The following PLPBP variants were observed in gnomAD, a reference collection of about 807,000 sequenced individuals.
PLPBP encodes pyridoxal phosphate homeostasis protein.
PLPBP carries 21 observed loss-of-function variants against 31.2 expected under a neutral mutation model. That is an observed-to-expected ratio of 0.67 (90% confidence interval 0.48 to 0.97). The LOEUF is 0.97. Among genes scored for constraint, PLPBP ranks in the 50% least tolerant of loss-of-function variants. The pLI is 0.00. For synonymous variants in PLPBP, 124 were observed against 135.6 expected (o/e 0.91, Z 0.59); for missense variants, 308 against 354.4 (o/e 0.87, Z 1.05).
rs762855564 is a variant in PLPBP at position 37,772,757 on chromosome 8, G to A, written c.322G>A (p.Val108Ile). ...ACTTTGCCTCTGTCTCATTACAGCT[G>A]TCCCCAATCTCTTCATGCTGGAAAC... ...QKQNVNKLMA[V>I]PNLFMLETVD... Residue 108 changes from valine to isoleucine, a missense_variant and splice_region_variant, in exon 5 of 8, where the codon GTC becomes ATC. Around this residue, in one of 2 missense-constraint regions of PLPBP, gnomAD observed 188 missense variants for 259.3 expected, o/e 0.73. Transcript: ENST00000328195. The A allele has an allele frequency of 4.0e-5, 65 of 1,614,058 alleles. No homozygotes were observed. The highest frequency in any genetic ancestry group is 5.5e-5 in the Non-Finnish European group (65 of 1,180,018).
At position 37,775,374 on chromosome 8, in the gene PLPBP, A is replaced by G. The variant is rs143064520; in HGVS notation, c.490A>G (p.Ile164Val). The stretch of plus-strand genomic sequence containing the variant: ...CCTTCCACCTTCAGAGACCATAGCC[A>G]TCGTGGAGCACATAAACGCCAAGTG... ...HGLPPSETIAIVEHINAKCPN... is the reference protein window; with the variant it reads ...HGLPPSETIAVVEHINAKCPN... Residue 164 changes from isoleucine to valine, a missense_variant, in exon 6 of 8, where the codon ATC becomes GTC. Transcript: ENST00000328195. 154 of 1,614,072 alleles carry G rather than the reference A, an allele frequency of 9.5e-5. No individual in the cohort carries two copies. Among genetic ancestry groups the G allele is most frequent in the Non-Finnish European group, 1.3e-4 (151 of 1,180,036 alleles).
Position 37,778,027 on chromosome 8 carries a change from G to T in PLPBP, c.751G>T (p.Asp251Tyr). The T allele has an allele frequency of 1.2e-6, 2 of 1,613,844 alleles. No individual in the cohort carries two copies. Among genetic ancestry groups the T allele is most frequent in the South Asian group, 2.2e-5 (2 of 91,072 alleles). Residue 251 changes from aspartate (D) to tyrosine (Y), a missense_variant, in exon 8 of 8, where the codon GAT becomes TAT. By Grantham distance (160) the Asp-to-Tyr change is radical. This residue lies in a region of PLPBP where 188 missense variants were observed against 259.3 expected (regional missense o/e 0.73). Coordinates refer to ENST00000328195, the MANE Select transcript of PLPBP (RefSeq NM_007198.4). ...AGGAAGCACGATTTTTGGAGAGCGG[G>T]ATTACTCAAAGAAACCCACCCCGGA... ...RIGSTIFGER[D>Y]YSKKPTPDKC...
chr8:37,768,223 A>T (rs1030713381), intron 4 of PLPBP, among the ~76,000 whole-genome samples: 2 of 152,214 alleles, frequency 1.3e-5, no homozygotes, highest in East Asian at 3.8e-4. Context: ...TATGGGATTT[A>T]TAACTATGTA....
chr8:37,779,477 A>C lies in PLPBP; in HGVS notation c.*1373A>C, dbSNP rs926639050. 1.3e-5 allele frequency: 2 copies of C among 152,234 alleles called. No individual in the cohort carries two copies. Among genetic ancestry groups the C allele is most frequent in the African/African-American group, 2.4e-5 (1 of 41,454 alleles). The allele number at this position is 152,234 out of a possible 1,614,324, so 9.4% of individuals were successfully genotyped here. A position where few individuals can be genotyped will look rare whatever the true frequency, so the allele number is the denominator to read the frequency against. On this transcript the variant is annotated 3_prime_UTR_variant, in exon 8 of 8. Coordinates refer to ENST00000328195, the MANE Select transcript of PLPBP (RefSeq NM_007198.4). ...AAGTAGCAAGATCCTCAAAAAACCC[A>C]AAAACACCATTCTCTAATAGTCATG...
At position 37,777,968 on chromosome 8, in the gene PLPBP, C is replaced by A; in HGVS notation, c.697-5C>A. The A allele has an allele frequency of 6.2e-7, 1 of 1,607,764 alleles. No homozygotes were observed. Among genetic ancestry groups the A allele is most frequent in the South Asian group, 1.1e-5 (1 of 90,558 alleles). ...GTCCTCGATACCTTCTCTTTTTTCC[C>A]ACAGGTTGAAGTAGGATCTACAAAT... On this transcript the variant is annotated splice_polypyrimidine_tract_variant and splice_region_variant and intron_variant, in intron 7 of 7. Transcript: ENST00000328195.
In PLPBP at chr8:37,769,164, G is replaced by A. The variant is rs145335234; in HGVS notation, c.319+2809G>A. Among the ~76,000 whole-genome samples, 831 of 151,922 alleles carry A rather than the reference G, an allele frequency of 5.5e-3. 5 individuals are homozygous for A. Among genetic ancestry groups the A allele is most frequent in the African/African-American group, 0.019 (792 of 41,446 alleles). On this transcript the variant is annotated intron_variant, in intron 4 of 7. Transcript: ENST00000328195. ...AGCCTGGGTAACATGGCAAAACCCT[G>A]TCTCCACTAAAAATACAAAAAATTA...
chr8:37,776,535 T>C (rs1465019676), intron 7 of PLPBP, among the ~76,000 whole-genome samples: 3 of 146,550 alleles, frequency 2.0e-5, no homozygotes, highest in Non-Finnish European at 4.5e-5. Context: ...ATAGAAATTA[T>C]AGCCTGACAT....
chr8:37,773,259 C>G (rs1323252993), intron 5 of PLPBP, among the ~76,000 whole-genome samples: 1 of 151,786 alleles, frequency 6.6e-6, no homozygotes, highest in South Asian at 2.1e-4. Context: ...CCTCCGCCTC[C>G]CGGGTTGAAG....
At chr8:37,775,259 G>A (rs182122993) in intron 5 of PLPBP, 80 bp from the exon 6 acceptor site, 48 of 1,540,482 alleles carry the variant, frequency 3.1e-5, no homozygotes, top group Middle Eastern at 1.8e-4. Context: ...CTCTTCTGTC[G>A]TAAGGAAGGG....
rs1276065118 is a variant in PLPBP at position 37,779,211 on chromosome 8, G to A, written c.*1107G>A. 2 of 152,160 alleles carry A rather than the reference G, an allele frequency of 1.3e-5. No homozygotes were observed. Among genetic ancestry groups the A allele is most frequent in the African/African-American group, 4.8e-5 (2 of 41,428 alleles). The allele number at this position is 152,160 out of a possible 1,614,324, so 9.4% of individuals were successfully genotyped here. ...TTTTTCCTCTGGGACCTACAGTGATGAGAATTTAATGATTATCTCCTCCAC... is the reference window on the plus strand; with the variant it reads ...TTTTTCCTCTGGGACCTACAGTGATAAGAATTTAATGATTATCTCCTCCAC... On this transcript the variant is annotated 3_prime_UTR_variant, in exon 8 of 8. Transcript: ENST00000328195.
intron 7 of PLPBP, among the ~76,000 whole-genome samples, chr8:37,777,283 T>C (rs1165787504): frequency 6.6e-6 from 1 of 152,240 alleles, no homozygotes; most frequent in Non-Finnish European, 1.5e-5. Context: ...CATTGATAAG[T>C]AAAATGGAAT....
rs370158685 is a variant in PLPBP at position 37,775,444 on chromosome 8, G to C, written c.560G>C (p.Gly187Ala). Residue 187 changes from glycine (G) to alanine (A), a missense_variant, in exon 6 of 8, where the codon GGG (glycine) becomes GCG (alanine). Physicochemically the swap from Gly to Ala is moderately conservative, Grantham distance 60 (BLOSUM62 0). Transcript: ENST00000328195. ...GGGCTGATGACCATAGGAAGCTTTG[G>C]GCATGATCTTAGTCAAGGACCAAAT... ...FVGLMTIGSFGHDLSQGPNPD... is the reference protein window; with the variant it reads ...FVGLMTIGSFAHDLSQGPNPD... 8 of 1,614,166 alleles carry C rather than the reference G, an allele frequency of 5.0e-6. No homozygotes were observed. In the African/African-American group the frequency reaches 1.1e-4, roughly 22 times the overall value.
chr8:37,766,658 GA>G (rs1803638137), intron 4 of PLPBP: 1 of 983,970 alleles, frequency 1.0e-6, no homozygotes, highest in Non-Finnish European at 1.2e-6. Context: ...ACTAGCAAAA[GA>G]GACATTTCTG....
Position 37,765,606 on chromosome 8 carries a change from T to C in PLPBP, c.180T>C (p.His60=), listed in dbSNP as rs910217593. The C allele has an allele frequency of 3.1e-6, 5 of 1,614,082 alleles. No individual in the cohort carries two copies. The African/African-American group carries it at 4.0e-5, about 13-fold the overall frequency. ...PADMVIEAYG[H]GQRTFGENYV... ...ACATGGTGATCGAGGCCTATGGACATGGGCAGCGCACTTTTGGCGAGAACT... is the reference window on the plus strand; with the variant it reads ...ACATGGTGATCGAGGCCTATGGACACGGGCAGCGCACTTTTGGCGAGAACT... The change falls in exon 2 of 8, where the codon CAT becomes CAC. Residue 60 remains histidine, a synonymous_variant. Transcript: ENST00000328195.
rs139763386 is a variant in PLPBP at position 37,763,812 on chromosome 8, AATTG to A, written c.99+1057_99+1060del. Among the ~76,000 whole-genome samples the A allele has an allele frequency of 2.1e-3, 316 of 152,266 alleles. 1 individual carries two copies. The highest frequency in any genetic ancestry group is 7.5e-3 in the African/African-American group (310 of 41,562). ...AGGAAGGAAGAGGAGACATTTTTCT[AATTG>A]ATCTGACTCCGTCACGTCCTTGAGA... On this transcript the variant is annotated intron_variant, in intron 1 of 7. Transcript: ENST00000328195.
intron 4 of PLPBP, among the ~76,000 whole-genome samples, chr8:37,768,597 C>T (rs1057275527): frequency 1.3e-5 from 2 of 151,542 alleles, no homozygotes; most frequent in African/African-American, 4.9e-5. Flanking sequence ...CTCAGCCTCC[C>T]GAGTAGCTGG....
Position 37,762,756 on chromosome 8 carries a change from CG to C in PLPBP, c.99+1del. 1 of 1,561,232 alleles carries C rather than the reference CG, an allele frequency of 6.4e-7. No individual in the cohort carries two copies. ...GCAGCAGGCTGTGGCGCGGCGGCCG[CG>C]GGTGAGGAAGGAGGCTGCGTGGGGA... The part of the protein sequence containing the change: ...RVQQAVARRP[R>X]DLPAIQPRLV... On this transcript the variant is annotated frameshift_variant and splice_region_variant, in exon 1 of 8. Transcript: ENST00000328195. LOFTEE classifies it high-confidence loss of function.
intron 4 of PLPBP, among the ~76,000 whole-genome samples, chr8:37,767,044 C>CT (rs1403281823): frequency 8.6e-6 from 1 of 116,012 alleles, no homozygotes; most frequent in Non-Finnish European, 1.7e-5. Flanking sequence ...AAGACTTCAT[C>CT]CCAAAAAAAA....
At chr8:37,764,114 T>C (rs566682649) in intron 1 of PLPBP, among the ~76,000 whole-genome samples, 9 of 151,940 alleles carry the variant, frequency 5.9e-5, no homozygotes, top group African/African-American at 2.2e-4. Context: ...TTTGTTTTGT[T>C]TTGTTTGAGA....
Sources: allele counts gnomAD v4.1 joint callset (sites outside exome capture counted in the v4.1 genomes callset), GRCh38; gene constraint gnomAD v4.1.1; regional missense constraint gnomAD v4.1.1; transcripts MANE v1.5; gene names NCBI Gene and HGNC (gene_info 2026-07-23, HGNC 2026-07-21).